The following MORF4L1 variants were observed in gnomAD, a reference collection of about 807,000 sequenced individuals.
MORF4L1 encodes the protein mortality factor 4 like 1, also known as mortality factor 4-like protein 1.
MORF4L1 carries 4 observed loss-of-function variants against 52.9 expected under a neutral mutation model. The ratio of observed to expected loss-of-function variants is 0.08; its 90% CI spans 0.04 to 0.17. MORF4L1 has a LOEUF of 0.17. Ranked by LOEUF, MORF4L1 falls within the 10% of genes least tolerant of loss-of-function variation. The probability of loss-of-function intolerance (pLI) is 1.00; values close to 1 mark genes in which losing one functional copy is unlikely to be tolerated. For missense variants in MORF4L1, 214 were observed against 390.4 expected, an observed-to-expected ratio of 0.55 and a Z score of 3.81; for synonymous variants, 123 against 134.8, an observed-to-expected ratio of 0.91 and a Z score of 0.61.
At chr15:78,894,738 T>G (rs1242631501) in intron 10 of MORF4L1, 82 bp from the exon 11 acceptor site, 1 of 1,036,162 alleles carries the variant, frequency 9.7e-7, no homozygotes, top group Non-Finnish European at 1.5e-6. Context: ...GAATTGGTGG[T>G]GTTTGCTCAC....
intron 11 of MORF4L1, among the ~76,000 whole-genome samples, chr15:78,895,471 A>G (rs901467540): frequency 2.6e-5 from 4 of 152,200 alleles, no homozygotes; most frequent in Non-Finnish European, 4.4e-5. Flanking sequence ...TAAATGTTTG[A>G]AGAAATGGAG....
intron 1 of MORF4L1, among the ~76,000 whole-genome samples, chr15:78,875,526 T>C (rs1238142802): frequency 6.6e-6 from 1 of 152,136 alleles, no homozygotes; most frequent in East Asian, 1.9e-4. Flanking sequence ...CCCAGCACTT[T>C]GGGAGGCCGA....
chr15:78,886,379 G>A (rs1056469380), intron 4 of MORF4L1, 152 bp downstream of exon 4: 6 of 682,448 alleles, frequency 8.8e-6, no homozygotes, highest in Middle Eastern at 5.4e-4. Flanking sequence ...GACTTCAAGC[G>A]ATCAAGCCAT....
intron 2 of MORF4L1, among the ~76,000 whole-genome samples, chr15:78,879,380 C>T (rs942366061): frequency 6.6e-6 from 1 of 152,088 alleles, no homozygotes; most frequent in Non-Finnish European, 1.5e-5. Context: ...AGCCACCACA[C>T]CTGGCTAATT....
At position 78,894,181 on chromosome 15, in the gene MORF4L1, T is replaced by G. The variant is rs1039313797; in HGVS notation, c.753T>G (p.Asp251Glu). 1 of 1,613,934 alleles carries G rather than the reference T, an allele frequency of 6.2e-7. No homozygotes were observed. The highest frequency in any genetic ancestry group is 8.5e-7 in the Non-Finnish European group (1 of 1,179,984). ...CTGAAATTCTTGCAGATCATCCCGA[T>G]GCACCCATGTCCCAGGTGTATGGAG... ...QYAEILADHPDAPMSQVYGAP... is the reference protein window; with the variant it reads ...QYAEILADHPEAPMSQVYGAP... The change falls in exon 10 of 12, where the codon GAT becomes GAG. Residue 251 changes from aspartate (D) to glutamate (E), a missense_variant. Around this residue, in one of 5 missense-constraint regions of MORF4L1, gnomAD observed 68 missense variants for 171.6 expected, o/e 0.40. Coordinates refer to ENST00000426013, the MANE Select transcript of MORF4L1 (RefSeq NM_006791.4).
At chr15:78,884,613 A>G (rs190368749) in intron 3 of MORF4L1, among the ~76,000 whole-genome samples, 1,999 of 145,132 alleles carry the variant, frequency 0.014, 76 homozygotes, top group African/African-American at 0.049. Context: ...CACTCCAGCC[A>G]GGGCAACGAG....
intron 5 of MORF4L1, 143 bp from the exon 6 acceptor site, chr15:78,890,846 T>C (rs759168879): frequency 9.8e-5 from 70 of 714,460 alleles, no homozygotes; most frequent in Non-Finnish European, 1.3e-4. Flanking sequence ...TAAAAATCCT[T>C]GTGTCTGAGT....
At chr15:78,876,605 G>A (rs1215383937) in intron 1 of MORF4L1, 5 of 455,808 alleles carry the variant, frequency 1.1e-5, no homozygotes, top group Non-Finnish European at 2.2e-5. Flanking sequence ...TTTTCAGAGT[G>A]CCTTTAAAAT....
At chr15:78,877,643 G>A (rs1444161045) in intron 1 of MORF4L1, 1 of 152,238 alleles carries the variant, frequency 6.6e-6, no homozygotes, top group Non-Finnish European at 1.5e-5. Context: ...ACGTTCCAAA[G>A]GTTAGGCTTT....
rs1235745757 is a variant in MORF4L1, at chr15:78,873,317, G to A, written c.40+260G>A. 5.4e-6 allele frequency: 6 copies of A among 1,107,134 alleles called. No individual in the cohort carries two copies. The Admixed American group carries it at 1.8e-4, about 34-fold the overall frequency. 68.6% of individuals were successfully genotyped at this position (1,107,134 alleles called of 1,614,324 possible). ...GGCGCGTGGCACACCCTCGTCAAGT[G>A]TTTGTTATTGTTCTGAGGAAGAGGG... is the stretch of plus-strand genomic sequence containing the variant. On this transcript the variant is annotated intron_variant, in intron 1 of 11. Coordinates refer to ENST00000426013, the MANE Select transcript of MORF4L1 (RefSeq NM_006791.4).
chr15:78,880,909 G>C (rs1477065955), intron 3 of MORF4L1, among the ~76,000 whole-genome samples: 1 of 149,738 alleles, frequency 6.7e-6, no homozygotes, highest in Non-Finnish European at 1.5e-5. Flanking sequence ...TTTTAGGATG[G>C]CCTGAATTAT....
In MORF4L1 at chr15:78,897,202, A is replaced by G. The variant is rs2056905935; in HGVS notation, c.*135A>G. 1 of 661,136 alleles carries G rather than the reference A, an allele frequency of 1.5e-6. No homozygotes were observed. The highest frequency in any genetic ancestry group is 2.5e-6 in the Non-Finnish European group (1 of 398,190). 41.0% of individuals were successfully genotyped at this position (661,136 alleles called of 1,614,324 possible). A position where few individuals can be genotyped will look rare whatever the true frequency, so the allele number is the denominator to read the frequency against. ...GTTTGTTTTCTGTTTGATTTTAAAC[A>G]GAGAAAAAATAAAAGGGGGTAATAG... On this transcript the variant is annotated 3_prime_UTR_variant, in exon 12 of 12. Coordinates refer to ENST00000426013, the MANE Select transcript of MORF4L1 (RefSeq NM_006791.4).
chr15:78,887,003 A>G (rs1015535495), intron 4 of MORF4L1, among the ~76,000 whole-genome samples: 2 of 151,944 alleles, frequency 1.3e-5, no homozygotes, highest in African/African-American at 2.4e-5. Flanking sequence ...CAAATAAAAC[A>G]CTGGGATTAG....
rs1301174427 is a variant in MORF4L1 at position 78,897,002 on chromosome 15, G to T, written c.907G>T (p.Ala303Ser). Reference sequence around the variant, plus strand: ...TTTTAGGTACCTGGCAAAGAATTCTGCAACTTTGTTCAGTGCCAGCGATTA... The same window carrying T: ...TTTTAGGTACCTGGCAAAGAATTCTTCAACTTTGTTCAGTGCCAGCGATTA... ...DFLKYLAKNS[A>S]TLFSASDYEV... Residue 303 changes from alanine (A) to serine (S), a missense_variant, in exon 12 of 12, where the codon GCA becomes TCA. Coordinates refer to ENST00000426013, the MANE Select transcript of MORF4L1 (RefSeq NM_006791.4). The T allele has an allele frequency of 2.5e-6, 4 of 1,613,104 alleles. No individual in the cohort carries two copies. Among genetic ancestry groups the T allele is most frequent in the African/African-American group, 1.3e-5 (1 of 74,986 alleles).
intron 3 of MORF4L1, among the ~76,000 whole-genome samples, chr15:78,881,753 C>G (rs2056607631): frequency 6.6e-6 from 1 of 152,182 alleles, no homozygotes; most frequent in African/African-American, 2.4e-5. Context: ...CCTTGTCCTT[C>G]AAAGATAGCA....
chr15:78,893,221 T>A (rs1361245745), intron 8 of MORF4L1, among the ~76,000 whole-genome samples: 1 of 152,226 alleles, frequency 6.6e-6, no homozygotes, highest in African/African-American at 2.4e-5. Context: ...TGTGACAGAT[T>A]GACATTTTTA....
intron 5 of MORF4L1, among the ~76,000 whole-genome samples, chr15:78,888,592 T>C (rs2056746330): frequency 6.6e-6 from 1 of 152,208 alleles, no homozygotes; most frequent in Non-Finnish European, 1.5e-5. Context: ...ATTACTGATC[T>C]GATTTTTCTA....
intron 11 of MORF4L1, among the ~76,000 whole-genome samples, chr15:78,896,519 G>T (rs2056893003): frequency 6.6e-6 from 1 of 151,834 alleles, no homozygotes; most frequent in Admixed American, 6.6e-5. Flanking sequence ...ACTTTGGTCA[G>T]GCTGGTCTTG....
At chr15:78,886,073 T>C in intron 3 of MORF4L1, 68 bp from the exon 4 acceptor site, 1 of 1,205,156 alleles carries the variant, frequency 8.3e-7, no homozygotes, top group Non-Finnish European at 1.2e-6. Context: ...GTCTTGCCTC[T>C]TGATCTCAGA....
Sources: allele counts gnomAD v4.1 joint callset (sites outside exome capture counted in the v4.1 genomes callset), GRCh38; gene constraint gnomAD v4.1.1; regional missense constraint gnomAD v4.1.1; transcripts MANE v1.5; gene names NCBI Gene and HGNC (gene_info 2026-07-23, HGNC 2026-07-21).